The following AMOTL1 variants were observed in gnomAD, a reference collection of about 807,000 sequenced individuals.
AMOTL1 encodes angiomotin like 1.
AMOTL1 carries 45 observed loss-of-function variants against 102.9 expected under a neutral mutation model. The observed-to-expected ratio is 0.44, with a 90% CI of 0.34 to 0.56. AMOTL1 has a LOEUF of 0.56. AMOTL1 is among the 20% of genes least tolerant of loss of function. AMOTL1 has a pLI of 0.01. For synonymous variants in AMOTL1, 481 were observed against 484.7 expected, an observed-to-expected ratio of 0.99 and a Z score of 0.10; for missense variants, 1,114 against 1,225.6, an observed-to-expected ratio of 0.91 and a Z score of 1.36.
intron 3 of AMOTL1, among the ~76,000 whole-genome samples, chr11:94,802,665 C>T (rs541712692): frequency 2.6e-5 from 4 of 152,312 alleles, no homozygotes; most frequent in South Asian, 4.1e-4. Flanking sequence ...TCTCAGGAGA[C>T]GTAACAGACA....
intron 11 of AMOTL1, chr11:94,866,747 C>T (rs1952893063): frequency 1.2e-5 from 2 of 160,606 alleles, no homozygotes; most frequent in African/African-American, 2.4e-5. Flanking sequence ...ACAGTGTCTG[C>T]CTGCTTTACC....
intron 1 of AMOTL1, among the ~76,000 whole-genome samples, chr11:94,785,514 C>T (rs1473489106): frequency 2.0e-5 from 3 of 152,168 alleles, no homozygotes; most frequent in Non-Finnish European, 4.4e-5. Context: ...CTCTTTATTA[C>T]TTAAGGGATG....
intron 1 of AMOTL1, among the ~76,000 whole-genome samples, chr11:94,788,401 A>G (rs1951228242): frequency 6.6e-6 from 1 of 152,144 alleles, no homozygotes; most frequent in Admixed American, 6.5e-5. Context: ...TTCATAACCC[A>G]GTCCTATGCT....
chr11:94,757,339 C>A (rs937018173), intron 3 of AMOTL1, among the ~76,000 whole-genome samples: 7 of 151,986 alleles, frequency 4.6e-5, no homozygotes, highest in Non-Finnish European at 7.3e-5. Context: ...ACTATTGTAA[C>A]CACCGCTTAT....
At chr11:94,716,712 T>A (rs1048270917) in intron 1 of AMOTL1, among the ~76,000 whole-genome samples, 1 of 152,112 alleles carries the variant, frequency 6.6e-6, no homozygotes, top group Non-Finnish European at 1.5e-5. Flanking sequence ...CGCCTGAGGA[T>A]GGATTGGCCT....
intron 6 of AMOTL1, among the ~76,000 whole-genome samples, chr11:94,844,747 C>T (rs576099713): frequency 2.0e-5 from 3 of 152,244 alleles, no homozygotes; most frequent in Non-Finnish European, 2.9e-5. Flanking sequence ...TCTTAAAGGC[C>T]CCACCTCTTA....
intron 1 of AMOTL1, among the ~76,000 whole-genome samples, chr11:94,772,346 C>G (rs1950964824): frequency 1.3e-5 from 2 of 152,160 alleles, no homozygotes; most frequent in South Asian, 4.1e-4. Context: ...TATGCTACAC[C>G]TCTATAGTTG....
chr11:94,859,676 A>T lies in AMOTL1; in HGVS notation c.2096A>T (p.His699Leu), dbSNP rs754461745. The T allele has an allele frequency of 1.9e-6, 3 of 1,612,548 alleles. No individual in the cohort carries two copies. In the East Asian group the frequency reaches 6.7e-5, roughly 36 times the overall value. ...QKYLEESTIR[H>L]FAMNAAATAA... is the part of the protein sequence containing the mutation. ...TACCTGGAGGAGAGCACCATCCGAC[A>T]CTTTGCCATGAATGCCGCAGCCACT... Residue 699 changes from histidine to leucine, a missense_variant, in exon 9 of 13, where the codon CAC becomes CTC. Physicochemically the swap from His to Leu is moderately conservative, Grantham distance 99 (BLOSUM62 -3). Transcript: ENST00000433060.
At chr11:94,774,945 A>G (rs1327073019) in intron 1 of AMOTL1, among the ~76,000 whole-genome samples, 1 of 152,136 alleles carries the variant, frequency 6.6e-6, no homozygotes, top group East Asian at 1.9e-4. Flanking sequence ...CCTGACCATG[A>G]CTTTTTCTTC....
chr11:94,842,510 T>A (rs1355956010), intron 6 of AMOTL1, among the ~76,000 whole-genome samples: 2 of 152,218 alleles, frequency 1.3e-5, no homozygotes, highest in African/African-American at 2.4e-5. Context: ...CAGCACTGTG[T>A]CAACAGGGAC....
intron 1 of AMOTL1, among the ~76,000 whole-genome samples, chr11:94,793,357 C>T (rs1369444204): frequency 2.0e-5 from 3 of 152,134 alleles, no homozygotes; most frequent in African/African-American, 4.8e-5. Context: ...GCTCTTCTCC[C>T]TCTTGCTTAG....
At chr11:94,720,369 C>T (rs1950157113) in intron 1 of AMOTL1, among the ~76,000 whole-genome samples, 1 of 152,130 alleles carries the variant, frequency 6.6e-6, no homozygotes, top group African/African-American at 2.4e-5. Context: ...ACCTCAGAAG[C>T]CCAGACTGTG....
chr11:94,778,058 G>A (rs918135965), intron 1 of AMOTL1, among the ~76,000 whole-genome samples: 4 of 152,158 alleles, frequency 2.6e-5, no homozygotes, highest in Admixed American at 6.5e-5. Flanking sequence ...AATGAACTGG[G>A]TTCGTTCTGC....
At chr11:94,856,085 G>T (rs1952656869) in intron 8 of AMOTL1, among the ~76,000 whole-genome samples, 1 of 151,412 alleles carries the variant, frequency 6.6e-6, no homozygotes, top group African/African-American at 2.4e-5. Context: ...TTGTTTTAAT[G>T]AGAGCATTAA....
At position 94,834,591 on chromosome 11, in the gene AMOTL1, CA is replaced by C. The variant is rs531101188; in HGVS notation, c.1648+3061del. Among the ~76,000 whole-genome samples, 886 of 142,324 alleles carry C rather than the reference CA, an allele frequency of 6.2e-3. 4 individuals carry two copies. Among genetic ancestry groups the C allele is most frequent in the South Asian group, 0.013 (57 of 4,486 alleles). 93.4% of individuals were successfully genotyped at this position (142,324 alleles called of 152,430 possible). A position where few individuals can be genotyped will look rare whatever the true frequency, so the allele number is the denominator to read the frequency against. On this transcript the variant is annotated intron_variant, in intron 6 of 12. Coordinates refer to ENST00000433060, the MANE Select transcript of AMOTL1 (RefSeq NM_130847.3). ...TGGGCGACAGAGCGAGACTCCGTCT[CA>C]AAAAAAAAAAGTTATGTCTTGGAGT... is the stretch of plus-strand genomic sequence containing the variant.
chr11:94,755,085 G>A (rs933934930), intron 3 of AMOTL1, among the ~76,000 whole-genome samples: 1 of 152,136 alleles, frequency 6.6e-6, no homozygotes, highest in African/African-American at 2.4e-5. Context: ...TTACATCGAT[G>A]AGACTTGATT....
chr11:94,760,676 T>C (rs1950780957), intron 3 of AMOTL1, among the ~76,000 whole-genome samples: 1 of 152,250 alleles, frequency 6.6e-6, no homozygotes, highest in Admixed American at 6.5e-5. Context: ...CCCTCTGTTA[T>C]TGCAGTCCTA....
At chr11:94,847,752 C>T (rs1269491376) in intron 6 of AMOTL1, among the ~76,000 whole-genome samples, 2 of 73,076 alleles carry the variant, frequency 2.7e-5, no homozygotes, top group Admixed American at 3.7e-4. Flanking sequence ...TGTATATATG[C>T]GGTGGGGGGG....
intron 3 of AMOTL1, among the ~76,000 whole-genome samples, chr11:94,750,603 C>A (rs1162660158): frequency 1.3e-5 from 2 of 152,186 alleles, no homozygotes; most frequent in Admixed American, 1.3e-4. Context: ...CGTCCCTATC[C>A]CCTGCCTTGC....
Sources: gnomAD v4.1 joint callset for allele counts (sites outside exome capture counted in the v4.1 genomes callset) on GRCh38, gnomAD v4.1.1 for gene constraint, MANE v1.5 for transcripts, NCBI Gene and HGNC (gene_info 2026-07-23, HGNC 2026-07-21) for gene names.